The following LRP6 variants were observed in gnomAD, a reference collection of about 807,000 sequenced individuals.
LRP6 encodes the protein LDL receptor related protein 6, also known as low-density lipoprotein receptor-related protein 6.
In LRP6, 43 loss-of-function variants were observed where a neutral mutation model predicts 184.1. The ratio of observed to expected loss-of-function variants is 0.23; its 90% CI spans 0.18 to 0.30. The LOEUF is 0.30. Among genes scored for constraint, LRP6 ranks in the 10% least tolerant of loss-of-function variants. The pLI is 1.00. For missense variants in LRP6, 1,571 were observed against 2,005.3 expected, an observed-to-expected ratio of 0.78 and a Z score of 4.14; for synonymous variants, 719 against 684.9, an observed-to-expected ratio of 1.05 and a Z score of -0.78.
Position 12,244,623 on chromosome 12 carries a change from C to T in LRP6, c.88G>A (p.Asp30Asn). Reference protein sequence around the residue: ...APLLLYANRRDLRLVDATNGK... With the variant: ...APLLLYANRRNLRLVDATNGK... ...TTTGTAGCATCAACCAATCGCAAGT[C>T]CCGTCTGTTTGCATAAAGCAACAAA... Residue 30 changes from aspartate to asparagine, a missense_variant, in exon 2 of 23, where the codon GAC becomes AAC. Coordinates refer to ENST00000261349, the MANE Select transcript of LRP6 (RefSeq NM_002336.3). 6.2e-7 allele frequency: 1 copy of T among 1,614,100 alleles called. No homozygotes were observed. The highest frequency in any genetic ancestry group is 1.1e-5 in the South Asian group (1 of 91,048).
intron 2 of LRP6, among the ~76,000 whole-genome samples, chr12:12,226,335 C>T (rs931671962): frequency 1.3e-5 from 2 of 152,240 alleles, no homozygotes; most frequent in African/African-American, 4.8e-5. Context: ...TTTGAAGAGA[C>T]AGAGCAAGTA....
chr12:12,220,368 T>C (rs773775406), intron 2 of LRP6, among the ~76,000 whole-genome samples: 47 of 152,176 alleles, frequency 3.1e-4, no homozygotes, highest in Admixed American at 1.3e-4. Flanking sequence ...TGTCACCTTA[T>C]GTCAGAGAAA....
chr12:12,186,860 G>C (rs1474111143), intron 4 of LRP6, 63 bp downstream of exon 4: 4 of 1,395,672 alleles, frequency 2.9e-6, no homozygotes, highest in Non-Finnish European at 4.1e-6. Context: ...CCTCACTAAA[G>C]CCAGACATTA....
intron 15 of LRP6, among the ~76,000 whole-genome samples, chr12:12,142,497 C>T (rs1389156460): frequency 2.0e-5 from 3 of 151,372 alleles, no homozygotes; most frequent in East Asian, 1.9e-4. Flanking sequence ...GCTACAAATA[C>T]GAAATAGAAA....
chr12:12,259,336 T>C (rs1403009349), intron 1 of LRP6, among the ~76,000 whole-genome samples: 1 of 151,996 alleles, frequency 6.6e-6, no homozygotes. Flanking sequence ...ACTTTAGGCC[T>C]GGTGTTAATA....
chr12:12,135,482 T>C (rs1591872504), intron 16 of LRP6, among the ~76,000 whole-genome samples, 182 bp from the exon 17 acceptor site: 1 of 17,780 alleles, frequency 5.6e-5, no homozygotes, highest in Admixed American at 7.5e-4. Context: ...CTTTTATCAT[T>C]ATTATTATTA....
intron 2 of LRP6, among the ~76,000 whole-genome samples, chr12:12,210,077 G>C (rs751321232): frequency 2.0e-5 from 3 of 152,158 alleles, no homozygotes; most frequent in Non-Finnish European, 2.9e-5. Flanking sequence ...GTAGCATATC[G>C]TGAGGTACAT....
intron 3 of LRP6, among the ~76,000 whole-genome samples, chr12:12,197,626 G>C (rs1351237353): frequency 6.6e-6 from 1 of 152,046 alleles, no homozygotes; most frequent in Non-Finnish European, 1.5e-5. Context: ...TTCCTCTCTT[G>C]CCCATTAAGA....
At chr12:12,141,140 A>C (rs967870422) in intron 15 of LRP6, among the ~76,000 whole-genome samples, 5 of 151,610 alleles carry the variant, frequency 3.3e-5, no homozygotes, top group Non-Finnish European at 7.4e-5. Flanking sequence ...AAGGGAAAGA[A>C]GGGGAAGGAG....
At chr12:12,140,416 A>C (rs1565550098) in intron 15 of LRP6, among the ~76,000 whole-genome samples, 2 of 152,024 alleles carry the variant, frequency 1.3e-5, no homozygotes, top group South Asian at 4.1e-4. Context: ...GCTACAGTCA[A>C]GAAGGTTCAG....
chr12:12,135,280 C>A lies in LRP6; in HGVS notation c.3628G>T (p.Asp1210Tyr), dbSNP rs372538850. The change falls in exon 17 of 23, where the codon GAT becomes TAT. Residue 1210 changes from aspartate (D) to tyrosine (Y), a missense_variant. Coordinates refer to ENST00000261349, the MANE Select transcript of LRP6 (RefSeq NM_002336.3). ...CAAATATGTGAACAGCCACCATTAT[C>A]CTGAGCACAAGGGTGCTGTCCTGCA... ...QEYRQHPCAQ[D>Y]NGGCSHICLV... 1.6e-5 allele frequency: 26 copies of A among 1,613,226 alleles called. No homozygotes were observed. The East Asian group carries it at 5.8e-4, about 36-fold the overall frequency.
intron 2 of LRP6, among the ~76,000 whole-genome samples, chr12:12,243,966 C>A (rs1218165856): frequency 6.6e-6 from 1 of 152,118 alleles, no homozygotes; most frequent in Non-Finnish European, 1.5e-5. Context: ...CACCTAAAGT[C>A]CCAGCTACTT....
Position 12,121,169 on chromosome 12 carries a change from T to A in LRP6, c.4799A>T (p.His1600Leu). Residue 1600 changes from histidine to leucine, a missense_variant, in exon 23 of 23, where the codon CAC (histidine) becomes CTC (leucine). By Grantham distance (99) the His-to-Leu change is moderately conservative. Around this residue, in one of 4 missense-constraint regions of LRP6, gnomAD observed 763 missense variants for 859.5 expected, o/e 0.89. Transcript: ENST00000261349. ...GGGAGAGGGTGGCGGTGGGTAGAGG[T>A]GATGAGAATAGCTCCTCTCTGTGTA... Reference protein sequence around the residue: ...SPYTERSYSHHLYPPPPSPCT... With the variant: ...SPYTERSYSHLLYPPPPSPCT... 1.9e-6 allele frequency: 3 copies of A among 1,613,266 alleles called. No individual in the cohort carries two copies. The highest frequency in any genetic ancestry group is 2.5e-6 in the Non-Finnish European group (3 of 1,179,762).
chr12:12,226,616 G>A (rs1439027750), intron 2 of LRP6: 1 of 152,096 alleles, frequency 6.6e-6, no homozygotes, highest in Non-Finnish European at 1.5e-5. Context: ...AACTTCCAAA[G>A]CTGAAAAGCA....
At chr12:12,263,195 G>A (rs567932873) in intron 1 of LRP6, among the ~76,000 whole-genome samples, 1 of 151,132 alleles carries the variant, frequency 6.6e-6, no homozygotes, top group South Asian at 2.1e-4. Context: ...AACCCGGGAG[G>A]CGGAGGTTGC....
In LRP6 at chr12:12,131,937, C is replaced by A; in HGVS notation, c.3854G>T (p.Cys1285Phe). The A allele has an allele frequency of 6.2e-7, 1 of 1,614,120 alleles. No homozygotes were observed. The highest frequency in any genetic ancestry group is 8.5e-7 in the Non-Finnish European group (1 of 1,180,008). Residue 1285 changes from cysteine to phenylalanine, a missense_variant, in exon 18 of 23, where the codon TGT becomes TTT. Around this residue, in one of 4 missense-constraint regions of LRP6, gnomAD observed 763 missense variants for 859.5 expected, o/e 0.89. Coordinates refer to ENST00000261349, the MANE Select transcript of LRP6 (RefSeq NM_002336.3). ...ECEDHSDELN[C>F]PVCSESQFQC... Reference sequence around the variant, plus strand: ...GAACTGGGACTCTGAGCATACAGGACAATTGAGTTCATCACTGTGGTCTTC... The same window carrying A: ...GAACTGGGACTCTGAGCATACAGGAAAATTGAGTTCATCACTGTGGTCTTC...
Position 12,266,799 on chromosome 12 carries a change from G to T in LRP6, c.-64C>A. ...TGGCCAGAAGTGGGGGAGGCGAGGA[G>T]CCGGGGCGGCCGCCGCAGCGGCAGG... is the stretch of plus-strand genomic sequence containing the variant. On this transcript the variant is annotated 5_prime_UTR_variant, in exon 1 of 23. Coordinates refer to ENST00000261349, the MANE Select transcript of LRP6 (RefSeq NM_002336.3). 7.4e-7 allele frequency: 1 copy of T among 1,353,920 alleles called. No individual in the cohort carries two copies. The highest frequency in any genetic ancestry group is 1.0e-6 in the Non-Finnish European group (1 of 963,656). 83.9% of individuals were successfully genotyped at this position (1,353,920 alleles called of 1,614,324 possible).
intron 1 of LRP6, among the ~76,000 whole-genome samples, chr12:12,264,444 T>G (rs1008312031): frequency 6.6e-6 from 1 of 152,134 alleles, no homozygotes; most frequent in Non-Finnish European, 1.5e-5. Context: ...CTTTCCTTTA[T>G]ACCTTGTCAT....
At chr12:12,180,987 G>C in intron 6 of LRP6, 56 bp downstream of exon 6, 1 of 1,588,786 alleles carries the variant, frequency 6.3e-7, no homozygotes, top group Non-Finnish European at 8.6e-7. Context: ...ATGTTTTCAG[G>C]AACCTGTGAA....
Sources: gnomAD v4.1 joint callset for allele counts (sites outside exome capture counted in the v4.1 genomes callset) on GRCh38, gnomAD v4.1.1 for gene constraint, gnomAD v4.1.1 regional missense constraint, MANE v1.5 for transcripts, NCBI Gene and HGNC (gene_info 2026-07-23, HGNC 2026-07-21) for gene names.